CELF5: variants seen among roughly 807,000 people sequenced by gnomAD.
CELF5 encodes the protein CUGBP Elav-like family member 5, also known as CUG-BP and ETR-3 like factor 5.
In CELF5, 6 loss-of-function variants were observed where a neutral mutation model predicts 54.9. The observed-to-expected ratio is 0.11, with a 90% CI of 0.06 to 0.22. CELF5 has a LOEUF of 0.22. CELF5 is among the 10% of genes least tolerant of loss of function. The pLI, the probability that CELF5 is intolerant of heterozygous loss-of-function variation, is 1.00. For missense variants in CELF5, 401 were observed against 678.6 expected (o/e 0.59, Z 4.54); for synonymous variants, 271 against 290.9 (o/e 0.93, Z 0.70).
At chr19:3,288,992 G>A (rs1167022888) in intron 10 of CELF5, among the ~76,000 whole-genome samples, 1 of 152,170 alleles carries the variant, frequency 6.6e-6, no homozygotes, top group Non-Finnish European at 1.5e-5. Context: ...AAAGGCTATT[G>A]TTATTTATAG....
At chr19:3,291,630 T>G (rs1440569273) in intron 11 of CELF5, among the ~76,000 whole-genome samples, 1 of 148,400 alleles carries the variant, frequency 6.7e-6, no homozygotes, top group East Asian at 2.0e-4. Context: ...ATGGGAAATC[T>G]GGGGGAAGAG....
Position 3,281,394 on chromosome 19 carries a change from T to C in CELF5, c.750+49T>C, listed in dbSNP as rs2080150340. 1 of 1,567,212 alleles carries C rather than the reference T, an allele frequency of 6.4e-7. No homozygotes were observed. The highest frequency in any genetic ancestry group is 8.7e-7 in the Non-Finnish European group (1 of 1,154,442). ...GGGGCTCCGGCTCCGTCTCTCTCAG[T>C]CTCTGTCTACTCTCTGTCGGGCTCC... is the stretch of plus-strand genomic sequence containing the variant. On this transcript the variant is annotated intron_variant, in intron 6 of 12. Coordinates refer to ENST00000292672, the MANE Select transcript of CELF5 (RefSeq NM_021938.4). This position sits in a 1 kb window ranked among gnomAD's most constrained non-coding sequence, Gnocchi z 6.5.
At chr19:3,232,498 C>T (rs111601300) in intron 1 of CELF5, among the ~76,000 whole-genome samples, 28 of 151,634 alleles carry the variant, frequency 1.8e-4, no homozygotes, top group Non-Finnish European at 3.1e-4. Flanking sequence ...GAACTATGAT[C>T]GCACCACTGC....
intron 1 of CELF5, among the ~76,000 whole-genome samples, chr19:3,237,926 A>G (rs900140546): frequency 1.1e-4 from 17 of 151,964 alleles, no homozygotes; most frequent in Admixed American, 6.6e-5. Context: ...GCGGGCGCCT[A>G]TAGTCCCAGC....
In CELF5 at chr19:3,273,846, CT is replaced by C. The variant is rs1294911615; in HGVS notation, c.343-22del. The C allele has an allele frequency of 5.7e-6, 9 of 1,589,630 alleles. No individual in the cohort carries two copies. In the African/African-American group the frequency reaches 1.1e-4, roughly 19 times the overall value. The stretch of plus-strand genomic sequence containing the variant: ...GCCACACCCCCACTGCTAAGCTTGA[CT>C]TTTCCCTTCCCCCTCTCTCTGCAGA... On this transcript the variant is annotated intron_variant, in intron 2 of 12. Transcript: ENST00000292672.
At chr19:3,296,578 T>C (rs2080457352) in intron 12 of CELF5, 180 bp from the exon 13 acceptor site, 1 of 152,116 alleles carries the variant, frequency 6.6e-6, no homozygotes, top group African/African-American at 2.4e-5. Flanking sequence ...GTGTTCCGTG[T>C]GTCCCCGTGT....
chr19:3,254,038 C>T (rs1371591612), intron 2 of CELF5, among the ~76,000 whole-genome samples: 1 of 152,130 alleles, frequency 6.6e-6, no homozygotes, highest in Non-Finnish European at 1.5e-5. Context: ...CTGAGCTCTG[C>T]ACTCTGTTGG....
Position 3,236,295 on chromosome 19 carries a change from A to G in CELF5, c.259+11297A>G, listed in dbSNP as rs140126018. 2.0e-3 allele frequency among the ~76,000 whole-genome samples: 298 copies of G among 152,244 alleles called. 3 individuals carry two copies. The highest frequency in any genetic ancestry group is 0.014 in the Middle Eastern group (4 of 294). ...AGGAAGTGGAGAGGATGAGCAGCAAAGCTGAGTAGGTGGAGAAGGGAGGGT... is the reference window on the plus strand; with the variant it reads ...AGGAAGTGGAGAGGATGAGCAGCAAGGCTGAGTAGGTGGAGAAGGGAGGGT... On this transcript the variant is annotated intron_variant, in intron 1 of 12. Transcript: ENST00000292672.
chr19:3,293,514 C>T, intron 12 of CELF5, 28 bp downstream of exon 12: 3 of 1,561,918 alleles, frequency 1.9e-6, no homozygotes, highest in South Asian at 1.2e-5. Flanking sequence ...CCCACCCCCG[C>T]CCAAGCCCCC....
intron 8 of CELF5, among the ~76,000 whole-genome samples, chr19:3,284,409 G>A (rs1190873660): frequency 6.6e-6 from 1 of 152,144 alleles, no homozygotes; most frequent in Non-Finnish European, 1.5e-5. Context: ...AGCTTTGGTG[G>A]CCTGGACAAC....
At chr19:3,227,630 C>T (rs1479739652) in intron 1 of CELF5, among the ~76,000 whole-genome samples, 1 of 152,064 alleles carries the variant, frequency 6.6e-6, no homozygotes, top group Non-Finnish European at 1.5e-5. Flanking sequence ...GCTGGTACCA[C>T]CTCTAGCCCT....
At chr19:3,250,880 G>GTC in intron 1 of CELF5, 105 bp from the exon 2 acceptor site, 6 of 717,630 alleles carry the variant, frequency 8.4e-6, no homozygotes, top group Non-Finnish European at 1.0e-5. Context: ...TGCATCTGTG[G>GTC]ATGGAAGCTT....
chr19:3,253,630 G>C (rs578219235), intron 2 of CELF5, among the ~76,000 whole-genome samples: 8 of 152,172 alleles, frequency 5.3e-5, no homozygotes, highest in Admixed American at 6.5e-5. Context: ...TGCAGAGCAG[G>C]GGGGGCAAAG....
intron 1 of CELF5, 30 bp from the exon 2 acceptor site, chr19:3,250,955 T>G: frequency 6.4e-7 from 1 of 1,574,366 alleles, no homozygotes; most frequent in Non-Finnish European, 8.7e-7. Context: ...GCCCGTGCTC[T>G]CTTAACACCC....
intron 2 of CELF5, among the ~76,000 whole-genome samples, chr19:3,265,816 C>CT (rs901635307): frequency 1.1e-4 from 16 of 151,692 alleles, no homozygotes; most frequent in African/African-American, 3.1e-4. Flanking sequence ...TTTTTTCTTT[C>CT]TTTTTTTTGA....
chr19:3,227,041 C>G (rs1007016591), intron 1 of CELF5, among the ~76,000 whole-genome samples: 8 of 152,116 alleles, frequency 5.3e-5, no homozygotes, highest in Non-Finnish European at 1.0e-4. Flanking sequence ...CCGGCAATCA[C>G]CCTCCACTTT....
At chr19:3,280,398 C>A (rs904514695) in intron 5 of CELF5, among the ~76,000 whole-genome samples, 3 of 151,568 alleles carry the variant, frequency 2.0e-5, no homozygotes. Context: ...TAGTGAAACC[C>A]CGTCTCTACT....
chr19:3,286,076 C>A, intron 10 of CELF5, 51 bp downstream of exon 10: 1 of 1,430,216 alleles, frequency 7.0e-7, no homozygotes, highest in East Asian at 2.6e-5. Context: ...TCTGCCCGCC[C>A]TGTCCACCTG....
intron 12 of CELF5, chr19:3,293,788 A>T (rs1292516137): frequency 1.7e-5 from 4 of 234,184 alleles, no homozygotes; most frequent in Middle Eastern, 1.5e-3. Context: ...AGTTCACCTG[A>T]GAGGCCAGGT....
Sources: gnomAD v4.1 joint callset for allele counts (sites outside exome capture counted in the v4.1 genomes callset) on GRCh38, gnomAD v4.1.1 for gene constraint, Gnocchi (gnomAD v3.1) non-coding constraint, MANE v1.5 for transcripts, NCBI Gene and HGNC (gene_info 2026-07-23, HGNC 2026-07-21) for gene names.